The following NCAPD3 variants were observed in gnomAD, a reference collection of about 807,000 sequenced individuals.
The protein encoded by NCAPD3 is condensin-2 complex subunit D3.
In NCAPD3, 105 loss-of-function variants were observed where a neutral mutation model predicts 182.9. The observed-to-expected ratio is 0.57, with a 90% CI of 0.49 to 0.68. NCAPD3 has a LOEUF of 0.68. Among genes scored for constraint, NCAPD3 ranks in the 30% least tolerant of loss-of-function variants. The pLI, the probability that NCAPD3 is intolerant of heterozygous loss-of-function variation, is 0.00. For missense variants in NCAPD3, 1,944 were observed against 1,837.0 expected (o/e 1.06, Z -1.07); for synonymous variants, 815 against 679.9 (o/e 1.20, Z -3.09).
At position 134,181,155 on chromosome 11, in the gene NCAPD3, T is replaced by C. The variant is rs374832255; in HGVS notation, c.2481A>G (p.Val827=). 1.9e-6 allele frequency: 3 copies of C among 1,613,698 alleles called. No individual in the cohort carries two copies. Among genetic ancestry groups the C allele is most frequent in the Non-Finnish European group, 2.5e-6 (3 of 1,179,906 alleles). Residue 827 remains valine, a synonymous_variant, in exon 20 of 35, where the codon GTA becomes GTG. Transcript: ENST00000534548. ...QELLTQVCGD[V]LSTCEHRLSN... is the part of the protein sequence containing the mutation. Reference sequence around the variant, plus strand: ...AGAGGCGGTGCTCGCAGGTGGAGAGTACATCCCCACACACCTGCGTCAGCA... The same window carrying C: ...AGAGGCGGTGCTCGCAGGTGGAGAGCACATCCCCACACACCTGCGTCAGCA...
intron 2 of NCAPD3, among the ~76,000 whole-genome samples, chr11:134,218,791 T>C (rs1938120412): frequency 6.6e-6 from 1 of 152,154 alleles, no homozygotes; most frequent in Admixed American, 6.5e-5. Context: ...TAACTCCGGA[T>C]CATGCCATTA....
chr11:134,165,581 G>GA, intron 27 of NCAPD3, among the ~76,000 whole-genome samples: 1 of 143,316 alleles, frequency 7.0e-6, no homozygotes, highest in South Asian at 2.4e-4. Flanking sequence ...CTTGGGGGAG[G>GA]GGCACACTAG....
chr11:134,150,458 G>C lies in NCAPD3; in HGVS notation c.*2486C>G, dbSNP rs1254414412. The C allele has an allele frequency of 6.6e-6, 1 of 152,232 alleles. No individual in the cohort carries two copies. The highest frequency in any genetic ancestry group is 1.5e-5 in the Non-Finnish European group (1 of 68,058). 9.4% of individuals were successfully genotyped at this position (152,232 alleles called of 1,614,324 possible). On this transcript the variant is annotated 3_prime_UTR_variant, in exon 35 of 35. Transcript: ENST00000534548. ...TCTGCCAGGAGGCCCTGCCATCCTT[G>C]GGCCCTGGCAGTGGCTGTGTCCCAG...
intron 16 of NCAPD3, chr11:134,185,906 CTTT>C (rs34931150): frequency 4.3e-5 from 6 of 138,322 alleles, no homozygotes; most frequent in Non-Finnish European, 7.7e-5. Flanking sequence ...TAACATTGTC[CTTT>C]TTTTTTTTTT....
At position 134,176,318 on chromosome 11, in the gene NCAPD3, T is replaced by C. The variant is rs751253277; in HGVS notation, c.3090A>G (p.Pro1030=). The C allele has an allele frequency of 1.9e-6, 3 of 1,613,914 alleles. No individual in the cohort carries two copies. Among genetic ancestry groups the C allele is most frequent in the South Asian group, 2.2e-5 (2 of 91,068 alleles). Residue 1030 remains proline (P), a synonymous_variant, in exon 24 of 35, where the codon CCA becomes CCG. Coordinates refer to ENST00000534548, the MANE Select transcript of NCAPD3 (RefSeq NM_015261.3). Reference sequence around the variant, plus strand: ...AGGAAAAGATTTACCTGGCAATGTCTGGGTGTGAATCGATCAGAGTGCTGA... The same window carrying C: ...AGGAAAAGATTTACCTGGCAATGTCCGGGTGTGAATCGATCAGAGTGCTGA... ...RFVSTLIDSH[P]DIASFGEFCL... is the part of the protein sequence containing the mutation.
At chr11:134,179,498 C>T (rs1944247280) in intron 20 of NCAPD3, among the ~76,000 whole-genome samples, 1 of 152,198 alleles carries the variant, frequency 6.6e-6, no homozygotes, top group Non-Finnish European at 1.5e-5. Context: ...TAACTTACTG[C>T]ACTATTCCAG....
At position 134,152,980 on chromosome 11, in the gene NCAPD3, C is replaced by T; in HGVS notation, c.4461G>A (p.Arg1487=). 1 of 1,575,902 alleles carries T rather than the reference C, an allele frequency of 6.3e-7. No individual in the cohort carries two copies. Among genetic ancestry groups the T allele is most frequent in the Non-Finnish European group, 8.6e-7 (1 of 1,160,168 alleles). Residue 1487 remains arginine, a synonymous_variant, in exon 35 of 35, where the codon AGG becomes AGA. Coordinates refer to ENST00000534548, the MANE Select transcript of NCAPD3 (RefSeq NM_015261.3). The part of the protein sequence containing the change: ...RNKDTPACSR[R]SLRKTPLKTA... ...TTTTCAGAGGGGTCTTTCGGAGGGACCTCCTGCTGCAGGCTGGAGTGTCTT... is the reference window on the plus strand; with the variant it reads ...TTTTCAGAGGGGTCTTTCGGAGGGATCTCCTGCTGCAGGCTGGAGTGTCTT...
chr11:134,222,836 G>A (rs918854030), intron 1 of NCAPD3, among the ~76,000 whole-genome samples: 17 of 152,164 alleles, frequency 1.1e-4, no homozygotes, highest in African/African-American at 4.1e-4. Context: ...GAACAAAATT[G>A]TTACAGTGTT....
chr11:134,181,004 CAA>C (rs1437236199), intron 20 of NCAPD3, 71 bp downstream of exon 20: 5 of 1,136,520 alleles, frequency 4.4e-6, no homozygotes, highest in Non-Finnish European at 5.3e-6. Context: ...GCGTACATGA[CAA>C]AGTCATCTTT....
chr11:134,182,969 A>G, intron 19 of NCAPD3: 1 of 362,894 alleles, frequency 2.8e-6, no homozygotes, highest in South Asian at 2.1e-5. Context: ...GTCTTTGCTA[A>G]TGCAGTAGTA....
chr11:134,202,087 A>G (rs185364688), intron 13 of NCAPD3, among the ~76,000 whole-genome samples: 1 of 152,372 alleles, frequency 6.6e-6, no homozygotes, highest in East Asian at 1.9e-4. Flanking sequence ...TCTGTCTCAC[A>G]GACTTGTGCA....
At chr11:134,178,492 G>C in intron 22 of NCAPD3, 142 bp downstream of exon 22, 1 of 601,984 alleles carries the variant, frequency 1.7e-6, no homozygotes, top group South Asian at 3.3e-5. Context: ...ACTCAGATCA[G>C]AGCCACCTCT....
chr11:134,205,808 C>T (rs1379999116), intron 8 of NCAPD3, among the ~76,000 whole-genome samples: 1 of 152,214 alleles, frequency 6.6e-6, no homozygotes, highest in East Asian at 1.9e-4. Context: ...CGTGTTTTCA[C>T]TTAAAACATT....
At chr11:134,167,380 G>A (rs1360323914) in intron 27 of NCAPD3, among the ~76,000 whole-genome samples, 1 of 114,598 alleles carries the variant, frequency 8.7e-6, no homozygotes, top group African/African-American at 3.6e-5. Context: ...ACACTCGTGA[G>A]AGGAGCTTAG....
At chr11:134,156,986 G>C in intron 32 of NCAPD3, 32 bp downstream of exon 32, 1 of 1,561,562 alleles carries the variant, frequency 6.4e-7, no homozygotes, top group Non-Finnish European at 8.8e-7. Context: ...AGAGACTGAG[G>C]AGAAGCCCAC....
At position 134,182,764 on chromosome 11, in the gene NCAPD3, A is replaced by T. The variant is rs191954746; in HGVS notation, c.2452-1580T>A. Among the ~76,000 whole-genome samples, 43 of 152,378 alleles carry T rather than the reference A, an allele frequency of 2.8e-4. No individual in the cohort carries two copies. The East Asian group carries it at 8.1e-3, about 29-fold the overall frequency. On this transcript the variant is annotated intron_variant, in intron 19 of 34. Transcript: ENST00000534548. ...CTTTCATATATACTGCTGCTGAGCT[A>T]TATCTTTGGGTAATCTGTTGCTCTC... is the stretch of plus-strand genomic sequence containing the variant.
At chr11:134,223,837 C>G (rs1225957411) in intron 1 of NCAPD3, 26 bp downstream of exon 1, 1 of 1,608,458 alleles carries the variant, frequency 6.2e-7, no homozygotes, top group South Asian at 1.1e-5. Context: ...CCCTGGCCCC[C>G]GGGCCTCCCG....
intron 13 of NCAPD3, among the ~76,000 whole-genome samples, chr11:134,200,187 CACA>C (rs1944721381): frequency 6.6e-6 from 1 of 152,066 alleles, no homozygotes; most frequent in Non-Finnish European, 1.5e-5. Context: ...CTTTGGATTA[CACA>C]ACGATTTCTT....
chr11:134,196,174 C>T (rs960089303), intron 13 of NCAPD3, among the ~76,000 whole-genome samples: 8 of 152,026 alleles, frequency 5.3e-5, no homozygotes, highest in African/African-American at 1.7e-4. Context: ...TACTATTAGC[C>T]TTACATAAAT....
Sources: gnomAD v4.1 joint callset for allele counts (sites outside exome capture counted in the v4.1 genomes callset) on GRCh38, gnomAD v4.1.1 for gene constraint, MANE v1.5 for transcripts, NCBI Gene and HGNC (gene_info 2026-07-23, HGNC 2026-07-21) for gene names.